The following PID1 variants were observed in gnomAD, a reference collection of about 807,000 sequenced individuals.
PID1 encodes the protein phosphotyrosine interaction domain containing 1, also known as PTB-containing, cubilin and LRP1-interacting protein.
PID1 carries 10 observed loss-of-function variants against 19.1 expected under a neutral mutation model. The ratio of observed to expected loss-of-function variants is 0.52; its 90% CI spans 0.32 to 0.89. The LOEUF (loss-of-function observed/expected upper bound fraction) is 0.89. Ranked by LOEUF, PID1 falls within the 40% of genes least tolerant of loss-of-function variation. The pLI, the probability that PID1 is intolerant of heterozygous loss-of-function variation, is 0.03. For synonymous variants in PID1, 130 were observed against 116.0 expected, an observed-to-expected ratio of 1.12 and a Z score of -0.78; for missense variants, 248 against 285.3, an observed-to-expected ratio of 0.87 and a Z score of 0.94.
intron 1 of PID1, among the ~76,000 whole-genome samples, chr2:229,183,840 A>T: frequency 6.7e-6 from 1 of 148,880 alleles, no homozygotes; most frequent in Non-Finnish European, 1.5e-5. Context: ...CCTTATAATA[A>T]ATCTCTCTCC....
intron 1 of PID1, among the ~76,000 whole-genome samples, chr2:229,230,029 G>C (rs1233511282): frequency 2.0e-5 from 3 of 152,206 alleles, no homozygotes; most frequent in African/African-American, 4.8e-5. Flanking sequence ...TGCTGGGAGA[G>C]AGCTCTGCTA....
intron 1 of PID1, among the ~76,000 whole-genome samples, chr2:229,165,890 C>T (rs1690587459): frequency 6.6e-6 from 1 of 151,758 alleles, no homozygotes; most frequent in East Asian, 1.9e-4. Context: ...AAAAAGCAAA[C>T]TACTAGAATG....
chr2:229,214,665 T>C (rs1378807974), intron 1 of PID1, among the ~76,000 whole-genome samples: 3 of 152,166 alleles, frequency 2.0e-5, no homozygotes, highest in Non-Finnish European at 2.9e-5. Context: ...GAAGAACATA[T>C]AATGAAATAC....
At chr2:229,248,712 T>C (rs1232748740) in intron 1 of PID1, among the ~76,000 whole-genome samples, 1 of 152,236 alleles carries the variant, frequency 6.6e-6, no homozygotes, top group Non-Finnish European at 1.5e-5. Context: ...TTTATTTGTT[T>C]GCTTATTCCT....
At chr2:229,105,281 C>A (rs73101237) in intron 2 of PID1, among the ~76,000 whole-genome samples, 1 of 152,110 alleles carries the variant, frequency 6.6e-6, no homozygotes, top group African/African-American at 2.4e-5. Context: ...CTCAGACCAG[C>A]GCCATGTGGA....
chr2:229,266,821 C>A (rs1202663509), intron 1 of PID1, among the ~76,000 whole-genome samples: 1 of 152,226 alleles, frequency 6.6e-6, no homozygotes, highest in Non-Finnish European at 1.5e-5. Flanking sequence ...AGTGCCTGCA[C>A]CACAAAAGCA....
At chr2:229,182,034 G>C (rs1317256973) in intron 1 of PID1, among the ~76,000 whole-genome samples, 1 of 152,178 alleles carries the variant, frequency 6.6e-6, no homozygotes. Flanking sequence ...AAAGATTAGT[G>C]GTTGCCAGGG....
chr2:229,031,505 C>T (rs1438805278), intron 2 of PID1, among the ~76,000 whole-genome samples: 2 of 151,892 alleles, frequency 1.3e-5, no homozygotes, highest in Non-Finnish European at 2.9e-5. Context: ...TTGCAGAGGG[C>T]TATGATTGCA....
intron 2 of PID1, among the ~76,000 whole-genome samples, chr2:229,076,529 G>A (rs1417897783): frequency 5.3e-5 from 8 of 152,000 alleles, no homozygotes; most frequent in African/African-American, 1.9e-4. Context: ...TTCTCCTAAT[G>A]TTATCCCTCC....
At chr2:229,085,455 T>A (rs1694745814) in intron 2 of PID1, among the ~76,000 whole-genome samples, 1 of 152,154 alleles carries the variant, frequency 6.6e-6, no homozygotes, top group Non-Finnish European at 1.5e-5. Flanking sequence ...ATTCAAAAGG[T>A]GTTCAATAAA....
intron 1 of PID1, among the ~76,000 whole-genome samples, chr2:229,236,161 GA>G (rs5839318): frequency 0.95 from 143,922 of 151,936 alleles, 68,617 homozygotes; most frequent in East Asian, 1. Flanking sequence ...TTTGGCTTTT[GA>G]AAAAAAACAT....
chr2:229,126,023 T>C (rs184448354), intron 2 of PID1, among the ~76,000 whole-genome samples: 9 of 152,276 alleles, frequency 5.9e-5, no homozygotes, highest in African/African-American at 2.2e-4. Context: ...CCAGGTCAAT[T>C]CTCTGCATAG....
rs546140006 is a variant in PID1, at chr2:229,218,833, C to T, written c.30+52181G>A. ...AGGGATGCAGGCAAACAAGCCCACA[C>T]TCTGCCCAATTTATTGATTTACTCA... On this transcript the variant is annotated intron_variant, in intron 1 of 2. Coordinates refer to ENST00000392055, the MANE Select transcript of PID1 (RefSeq NM_001100818.2). 8.5e-5 allele frequency among the ~76,000 whole-genome samples: 13 copies of T among 152,296 alleles called. No individual in the cohort carries two copies. In the South Asian group the frequency reaches 2.3e-3, roughly 27 times the overall value.
At chr2:229,156,065 G>C (rs1298755455) in intron 1 of PID1, 101 bp from the exon 2 acceptor site, 6 of 1,039,788 alleles carry the variant, frequency 5.8e-6, no homozygotes, top group Admixed American at 2.2e-5. Context: ...TATTGACTCT[G>C]TTCTATTAGG....
At chr2:229,210,889 A>G (rs1359731811) in intron 1 of PID1, among the ~76,000 whole-genome samples, 3 of 152,162 alleles carry the variant, frequency 2.0e-5, no homozygotes, top group African/African-American at 7.2e-5. Flanking sequence ...ACGGTTAATC[A>G]CTTTTTCCAT....
chr2:229,158,212 G>T (rs1183506649), intron 1 of PID1, among the ~76,000 whole-genome samples: 1 of 152,120 alleles, frequency 6.6e-6, no homozygotes, highest in African/African-American at 2.4e-5. Context: ...TCCAGACAAA[G>T]ATTTATTTTA....
chr2:229,134,290 A>C lies in PID1; in HGVS notation c.177+21528T>G, dbSNP rs112315441. Among the ~76,000 whole-genome samples the C allele has an allele frequency of 4.0e-3, 555 of 138,136 alleles. 6 individuals carry two copies. The highest frequency in any genetic ancestry group is 0.014 in the African/African-American group (525 of 36,214). 90.6% of individuals were successfully genotyped at this position (138,136 alleles called of 152,430 possible). A position where few individuals can be genotyped will look rare whatever the true frequency, so the allele number is the denominator to read the frequency against. On this transcript the variant is annotated intron_variant, in intron 2 of 2. Coordinates refer to ENST00000392055, the MANE Select transcript of PID1 (RefSeq NM_001100818.2). ...TGCACTGTCACCCAGGCTGGAGTGC[A>C]GTGGTGTGGTGTGATTTTGGCTCAC...
At chr2:229,110,994 A>G (rs1414897210) in intron 2 of PID1, among the ~76,000 whole-genome samples, 1 of 152,150 alleles carries the variant, frequency 6.6e-6, no homozygotes, top group Non-Finnish European at 1.5e-5. Flanking sequence ...CGGTTTCCCC[A>G]TACTGTTCCC....
chr2:229,075,487 C>G (rs1052482002), intron 2 of PID1, among the ~76,000 whole-genome samples: 1 of 152,148 alleles, frequency 6.6e-6, no homozygotes, highest in Non-Finnish European at 1.5e-5. Context: ...ACAAACACAA[C>G]AAAACCTCCA....
Sources: gnomAD v4.1 joint callset for allele counts (sites outside exome capture counted in the v4.1 genomes callset) on GRCh38, gnomAD v4.1.1 for gene constraint, MANE v1.5 for transcripts, NCBI Gene and HGNC (gene_info 2026-07-23, HGNC 2026-07-21) for gene names.